The following MARCHF10 variants were observed in gnomAD, a reference collection of about 807,000 sequenced individuals.
MARCHF10 encodes the protein membrane associated ring-CH-type finger 10.
A neutral mutation model predicts 76.2 loss-of-function variants in MARCHF10; 64 were observed. The ratio of observed to expected loss-of-function variants is 0.84; its 90% confidence interval spans 0.69 to 1.03. The LOEUF (loss-of-function observed/expected upper bound fraction) is 1.03. MARCHF10 is among the 50% of genes least tolerant of loss of function. The probability of loss-of-function intolerance (pLI) is 0.00; values close to 1 mark genes in which losing one functional copy is unlikely to be tolerated. For synonymous variants in MARCHF10, 340 were observed against 357.5 expected (o/e 0.95, Z 0.55); for missense variants, 875 against 958.0 (o/e 0.91, Z 1.14).
intron 4 of MARCHF10, among the ~76,000 whole-genome samples, chr17:62,758,389 A>C (rs2092106713): frequency 6.6e-6 from 1 of 152,168 alleles, no homozygotes; most frequent in Admixed American, 6.6e-5. Context: ...ACAAAAAACA[A>C]AAAAACCCTG....
chr17:62,724,271 C>G (rs1421686692), intron 7 of MARCHF10, among the ~76,000 whole-genome samples: 3 of 150,684 alleles, frequency 2.0e-5, no homozygotes, highest in Non-Finnish European at 4.4e-5. Context: ...CAGAAAACTA[C>G]AGCCGACCTA....
rs1450140140 is a variant in MARCHF10 at position 62,712,472 on chromosome 17, C to G, written c.2215-1128G>C. 2.0e-5 allele frequency among the ~76,000 whole-genome samples: 3 copies of G among 152,194 alleles called. No homozygotes were observed. Among genetic ancestry groups the G allele is most frequent in the Non-Finnish European group, 4.4e-5 (3 of 68,030 alleles). ...GGCACAGAACCCACCTCTCCCAGGA[C>G]CAAGCAGCTGCCAGAAAAGGCACAG... On this transcript the variant is annotated intron_variant, in intron 8 of 10. Coordinates refer to ENST00000311269, the MANE Select transcript of MARCHF10 (RefSeq NM_152598.4). The surrounding 1 kb of genome is among the most constrained non-coding windows in gnomAD (Gnocchi z 4.2).
At chr17:62,763,833 G>A (rs899270452) in intron 3 of MARCHF10, among the ~76,000 whole-genome samples, 6 of 152,186 alleles carry the variant, frequency 3.9e-5, no homozygotes, top group Non-Finnish European at 8.8e-5. Flanking sequence ...ATAAGTTGAC[G>A]AAATCAGTAT....
intron 8 of MARCHF10, among the ~76,000 whole-genome samples, chr17:62,714,680 C>T (rs536943634): frequency 3.3e-4 from 51 of 152,314 alleles, no homozygotes; most frequent in African/African-American, 1.2e-3. Flanking sequence ...CCAGGTTTAA[C>T]ATGCATCAGA....
At chr17:62,747,292 TA>T (rs2091739980) in intron 4 of MARCHF10, among the ~76,000 whole-genome samples, 1 of 152,222 alleles carries the variant, frequency 6.6e-6, no homozygotes, top group Non-Finnish European at 1.5e-5. Flanking sequence ...TGGCTTAAGA[TA>T]AAAGGTTATT....
intron 2 of MARCHF10, among the ~76,000 whole-genome samples, chr17:62,790,332 C>T (rs1034874522): frequency 1.2e-4 from 19 of 152,124 alleles, no homozygotes; most frequent in Non-Finnish European, 1.6e-4. Context: ...TGTGCCACCA[C>T]GCCCAGCCAA....
At chr17:62,786,148 A>G (rs140321254) in intron 3 of MARCHF10, among the ~76,000 whole-genome samples, 4,151 of 152,238 alleles carry the variant, frequency 0.027, 70 homozygotes, top group East Asian at 0.058. Context: ...TCCATCAATG[A>G]TAGACTGGAT....
intron 8 of MARCHF10, among the ~76,000 whole-genome samples, chr17:62,715,993 G>A (rs2090174186): frequency 6.6e-6 from 1 of 152,166 alleles, no homozygotes; most frequent in African/African-American, 2.4e-5. Flanking sequence ...GGTCCCAGGG[G>A]AGGCGTCCGT....
At chr17:62,764,803 GA>G (rs1345853108) in intron 3 of MARCHF10, among the ~76,000 whole-genome samples, 1 of 152,170 alleles carries the variant, frequency 6.6e-6, no homozygotes, top group African/African-American at 2.4e-5. Flanking sequence ...CTCTTGTCTA[GA>G]AAAAAACTCT....
chr17:62,790,487 T>A (rs1045052455), intron 2 of MARCHF10, among the ~76,000 whole-genome samples: 1 of 152,214 alleles, frequency 6.6e-6, no homozygotes, highest in East Asian at 1.9e-4. Context: ...AGTAAAACTT[T>A]TTTGGAATGT....
chr17:62,750,731 C>A (rs1319815331), intron 4 of MARCHF10, among the ~76,000 whole-genome samples: 11 of 152,208 alleles, frequency 7.2e-5, no homozygotes, highest in Non-Finnish European at 1.5e-4. Flanking sequence ...GCGGCACCAG[C>A]ATCACACCCT....
At chr17:62,805,121 ACAGT>A (rs2093142992) in intron 1 of MARCHF10, 1 of 152,220 alleles carries the variant, frequency 6.6e-6, no homozygotes, top group Admixed American at 6.5e-5. Flanking sequence ...TGGTCTTTTG[ACAGT>A]CAGAATCTGA....
chr17:62,776,466 A>G (rs1413757939), intron 3 of MARCHF10, among the ~76,000 whole-genome samples: 1 of 152,232 alleles, frequency 6.6e-6, no homozygotes, highest in Non-Finnish European at 1.5e-5. Flanking sequence ...CGGTTCTCCC[A>G]TTTTAATGTC....
rs2091395755 is a variant in MARCHF10, at chr17:62,738,830, T to A, written c.536-1498A>T. 3.3e-5 allele frequency among the ~76,000 whole-genome samples: 5 copies of A among 152,222 alleles called. No homozygotes were observed. Among genetic ancestry groups the A allele is most frequent in the Non-Finnish European group, 1.5e-5 (1 of 68,030 alleles). ...TTAAGCTCTCCTCTCAGGCCCCTCC[T>A]GGGTTTTATAAACCCCAGTTAGAGA... On this transcript the variant is annotated intron_variant, in intron 5 of 10. Transcript: ENST00000311269. The surrounding 1 kb of genome is among the most constrained non-coding windows in gnomAD (Gnocchi z 4.0).
In MARCHF10 at chr17:62,711,465, G is replaced by A; in HGVS notation, c.2215-121C>T. 1.2e-6 allele frequency: 1 copy of A among 858,624 alleles called. No homozygotes were observed. The highest frequency in any genetic ancestry group is 1.8e-6 in the Non-Finnish European group (1 of 541,878). 53.2% of individuals were successfully genotyped at this position (858,624 alleles called of 1,614,324 possible). ...CTGGGAGAAGAGCCCAAGCTCCAAG[G>A]CAAGGCCTGCTCTTGGGGACCAGAA... On this transcript the variant is annotated intron_variant, in intron 8 of 10. Transcript: ENST00000311269. This position sits in a 1 kb window ranked among gnomAD's most constrained non-coding sequence, Gnocchi z 4.4.
intron 4 of MARCHF10, among the ~76,000 whole-genome samples, chr17:62,745,660 T>C (rs188012235): frequency 2.8e-4 from 43 of 152,340 alleles, no homozygotes; most frequent in Admixed American, 8.5e-4. Flanking sequence ...CCCTCCACTG[T>C]GTTGGGACGA....
chr17:62,762,792 C>T (rs550600569), intron 3 of MARCHF10, among the ~76,000 whole-genome samples: 3 of 152,334 alleles, frequency 2.0e-5, no homozygotes, highest in East Asian at 1.9e-4. Flanking sequence ...GCAAGCCGCC[C>T]GCCTTGGCCT....
chr17:62,738,530 A>G lies in MARCHF10; in HGVS notation c.536-1198T>C, dbSNP rs1459967135. On this transcript the variant is annotated intron_variant, in intron 5 of 10. Transcript: ENST00000311269. This position sits in a 1 kb window ranked among gnomAD's most constrained non-coding sequence, Gnocchi z 4.0. ...CTGCTCTTTTTATCATTCCATTTCT[A>G]AAGCGGTTCACCCTGTAGAGTGGAC... Among the ~76,000 whole-genome samples the G allele has an allele frequency of 6.6e-6, 1 of 152,112 alleles. No homozygotes were observed. Among genetic ancestry groups the G allele is most frequent in the Non-Finnish European group, 1.5e-5 (1 of 68,026 alleles).
At chr17:62,705,345 C>T (rs929166856) in intron 10 of MARCHF10, 194 bp downstream of exon 10, 18 of 1,508,712 alleles carry the variant, frequency 1.2e-5, no homozygotes, top group Admixed American at 1.0e-4. Context: ...TTCTTATCTG[C>T]TCTGCATCCA....
Sources: gnomAD v4.1 joint callset for allele counts (sites outside exome capture counted in the v4.1 genomes callset) on GRCh38, gnomAD v4.1.1 for gene constraint, Gnocchi (gnomAD v3.1) non-coding constraint, MANE v1.5 for transcripts, NCBI Gene and HGNC (gene_info 2026-07-23, HGNC 2026-07-21) for gene names.